The following THSD4 variants were observed in gnomAD, a reference collection of about 807,000 sequenced individuals.
THSD4 encodes thrombospondin type 1 domain containing 4, also known as thrombospondin type-1 domain-containing protein 4.
Under a neutral mutation model 119.0 loss-of-function variants are expected in THSD4, and 69 were observed. The ratio of observed to expected loss-of-function variants is 0.58; its 90% confidence interval spans 0.48 to 0.71. The LOEUF (loss-of-function observed/expected upper bound fraction) is 0.71. Ranked by LOEUF, THSD4 falls within the 30% of genes least tolerant of loss-of-function variation. The pLI is 0.00. For missense variants in THSD4, 1,393 were observed against 1,391.1 expected (o/e 1.00, Z -0.02); for synonymous variants, 524 against 540.4 (o/e 0.97, Z 0.42).
At chr15:71,543,882 G>A (rs2048798251) in intron 7 of THSD4, among the ~76,000 whole-genome samples, 1 of 152,088 alleles carries the variant, frequency 6.6e-6, no homozygotes, top group African/African-American at 2.4e-5. Flanking sequence ...TACAAAATTA[G>A]CCAGGCATGG....
intron 7 of THSD4, among the ~76,000 whole-genome samples, chr15:71,424,724 T>G (rs1187703625): frequency 6.6e-6 from 1 of 152,220 alleles, no homozygotes. Context: ...AACATCACAT[T>G]AACCACGCTA....
chr15:71,234,204 C>G lies in THSD4; in HGVS notation c.465-8445C>G, dbSNP rs185477803. The stretch of plus-strand genomic sequence containing the variant: ...GACACTGGCTTCCCCATAAAGCGTG[C>G]AAGTCCCTTCTGTTCTCAGGCCCCT... On this transcript the variant is annotated intron_variant, in intron 4 of 17. Transcript: ENST00000261862. 4.0e-4 allele frequency among the ~76,000 whole-genome samples: 61 copies of G among 152,354 alleles called. No homozygotes were observed. The East Asian group carries it at 0.012, about 29-fold the overall frequency.
intron 7 of THSD4, among the ~76,000 whole-genome samples, chr15:71,631,022 A>G (rs1041214036): frequency 3.3e-5 from 5 of 151,970 alleles, no homozygotes; most frequent in Non-Finnish European, 1.5e-5. Context: ...AATCAAAAAC[A>G]CCCGCAGACA....
intron 3 of THSD4, among the ~76,000 whole-genome samples, chr15:71,181,448 C>T (rs1268411582): frequency 1.3e-5 from 2 of 152,182 alleles, no homozygotes; most frequent in Non-Finnish European, 2.9e-5. Flanking sequence ...AGGAGAACAT[C>T]TTCAGGCTTT....
chr15:71,360,614 C>T (rs558278848), intron 6 of THSD4, among the ~76,000 whole-genome samples: 13 of 152,308 alleles, frequency 8.5e-5, no homozygotes, highest in Middle Eastern at 3.4e-3. Context: ...ACTCTCTCCC[C>T]GGCATCCAAT....
At chr15:71,712,358 A>G (rs1458723945) in intron 8 of THSD4, among the ~76,000 whole-genome samples, 1 of 152,230 alleles carries the variant, frequency 6.6e-6, no homozygotes, top group African/African-American at 2.4e-5. Flanking sequence ...AATGTGTGGG[A>G]TGCAGCTAAA....
In THSD4 at chr15:71,184,119, A is replaced by G. The variant is rs559590878; in HGVS notation, c.99+29187A>G. 13 of 151,810 alleles carry G rather than the reference A, an allele frequency of 8.6e-5. No homozygotes were observed. The East Asian group carries it at 2.3e-3, about 27-fold the overall frequency. 9.4% of individuals were successfully genotyped at this position (151,810 alleles called of 1,614,324 possible). On this transcript the variant is annotated intron_variant, in intron 3 of 17. Transcript: ENST00000261862. ...TCTGCCTCTTAAACCACATGTTTGGAGGCACAGGGTCATTCCTGCTGTTAC... is the reference window on the plus strand; with the variant it reads ...TCTGCCTCTTAAACCACATGTTTGGGGGCACAGGGTCATTCCTGCTGTTAC...
chr15:71,490,759 A>T (rs965303285), intron 7 of THSD4, among the ~76,000 whole-genome samples: 4 of 152,130 alleles, frequency 2.6e-5, no homozygotes, highest in Non-Finnish European at 1.5e-5. Context: ...TATAAGTTGT[A>T]CTATACAGGT....
At chr15:71,749,734 T>TTTA (rs1301943468) in intron 14 of THSD4, among the ~76,000 whole-genome samples, 10 of 150,416 alleles carry the variant, frequency 6.6e-5, no homozygotes, top group East Asian at 5.8e-4. Context: ...TATTTATTTA[T>TTTA]TTTGAGACCG....
intron 7 of THSD4, among the ~76,000 whole-genome samples, chr15:71,537,510 C>G (rs2048703034): frequency 6.6e-6 from 1 of 152,258 alleles, no homozygotes; most frequent in African/African-American, 2.4e-5. Context: ...AAGCCAATCT[C>G]TCTAATGAGG....
chr15:71,402,438 G>A (rs143211422), intron 6 of THSD4, among the ~76,000 whole-genome samples: 2 of 152,248 alleles, frequency 1.3e-5, no homozygotes, highest in Non-Finnish European at 2.9e-5. Context: ...GATTTCCAGA[G>A]CACTGATCCT....
chr15:71,370,619 T>C (rs76432243), intron 6 of THSD4, among the ~76,000 whole-genome samples: 1,753 of 152,322 alleles, frequency 0.012, 14 homozygotes, highest in Non-Finnish European at 0.018. Context: ...TCCTGAGTTC[T>C]GGTTTGATTG....
intron 7 of THSD4, among the ~76,000 whole-genome samples, chr15:71,543,613 T>C (rs966304890): frequency 7.9e-5 from 12 of 152,224 alleles, no homozygotes; most frequent in East Asian, 1.9e-4. Flanking sequence ...AGGGAAACAC[T>C]AGCTCAGTTT....
chr15:71,361,361 A>G lies in THSD4; in HGVS notation c.1016-50326A>G, dbSNP rs539930361. Among the ~76,000 whole-genome samples, 15 of 152,360 alleles carry G rather than the reference A, an allele frequency of 9.8e-5. No homozygotes were observed. The South Asian group carries it at 2.7e-3, about 27-fold the overall frequency. Reference sequence around the variant, plus strand: ...TCACCCAAAAGAAAAGAGAACAAAAATGCTTCACATACAGTTCTTAAAGGT... The same window carrying G: ...TCACCCAAAAGAAAAGAGAACAAAAGTGCTTCACATACAGTTCTTAAAGGT... On this transcript the variant is annotated intron_variant, in intron 6 of 17. Coordinates refer to ENST00000261862, the MANE Select transcript of THSD4 (RefSeq NM_024817.3).
chr15:71,407,697 T>C (rs143397420), intron 6 of THSD4, among the ~76,000 whole-genome samples: 2 of 152,172 alleles, frequency 1.3e-5, no homozygotes, highest in African/African-American at 2.4e-5. Context: ...GTATTATCTT[T>C]TAAATTCAGG....
chr15:71,174,585 T>G (rs1319700905), intron 3 of THSD4, among the ~76,000 whole-genome samples: 7 of 39,762 alleles, frequency 1.8e-4, no homozygotes, highest in African/African-American at 3.2e-4. Flanking sequence ...TTGCCCAGGC[T>G]TGCTTAGGTA....
intron 14 of THSD4, among the ~76,000 whole-genome samples, chr15:71,756,637 A>G (rs2053543760): frequency 6.6e-6 from 1 of 152,164 alleles, no homozygotes; most frequent in African/African-American, 2.4e-5. Flanking sequence ...TACAAAAATT[A>G]GCTGGACATG....
chr15:71,440,474 G>T (rs945991949), intron 7 of THSD4, among the ~76,000 whole-genome samples: 20 of 152,092 alleles, frequency 1.3e-4, no homozygotes, highest in Non-Finnish European at 1.0e-4. Flanking sequence ...TCTTGTTTAG[G>T]GAAAGATAAA....
At chr15:71,587,828 A>G (rs1210745645) in intron 7 of THSD4, among the ~76,000 whole-genome samples, 1 of 150,796 alleles carries the variant, frequency 6.6e-6, no homozygotes, top group Admixed American at 6.6e-5. Flanking sequence ...ACCAAAAAAC[A>G]GTTTTACCAT....
Sources: allele counts gnomAD v4.1 joint callset (sites outside exome capture counted in the v4.1 genomes callset), GRCh38; gene constraint gnomAD v4.1.1; transcripts MANE v1.5; gene names NCBI Gene and HGNC (gene_info 2026-07-23, HGNC 2026-07-21).